The following CCNG2 variants were observed in gnomAD, a reference collection of about 807,000 sequenced individuals.
CCNG2 encodes the protein cyclin-G2.
In CCNG2, 20 loss-of-function variants were observed where a neutral mutation model predicts 36.5. That is an observed-to-expected ratio of 0.55 (90% CI 0.39 to 0.80). The LOEUF (loss-of-function observed/expected upper bound fraction) is 0.80, where lower values mean the gene tolerates loss of function less well. Among genes scored for constraint, CCNG2 ranks in the 30% least tolerant of loss-of-function variants. The pLI, the probability that CCNG2 is intolerant of heterozygous loss-of-function variation, is 0.00. For missense variants in CCNG2, 358 were observed against 390.8 expected (o/e 0.92, Z 0.71); for synonymous variants, 155 against 140.1 (o/e 1.11, Z -0.75).
At position 77,166,519 on chromosome 4, in the gene CCNG2, T is replaced by C. The variant is rs951418471; in HGVS notation, c.*595T>C. The stretch of plus-strand genomic sequence containing the variant: ...ATTTCTGTGATTTTTATATATGTAA[T>C]GTCTTAATTGAGATTTCTGTTAAGG... On this transcript the variant is annotated 3_prime_UTR_variant, in exon 8 of 8. Coordinates refer to ENST00000316355, the MANE Select transcript of CCNG2 (RefSeq NM_004354.3). 2 of 152,256 alleles carry C rather than the reference T, an allele frequency of 1.3e-5. No homozygotes were observed. Among genetic ancestry groups the C allele is most frequent in the African/African-American group, 4.8e-5 (2 of 41,472 alleles). 9.4% of individuals were successfully genotyped at this position (152,256 alleles called of 1,614,324 possible).
intron 6 of CCNG2, 31 bp downstream of exon 6, chr4:77,161,778 T>G: frequency 7.1e-7 from 1 of 1,403,648 alleles, no homozygotes; most frequent in Non-Finnish European, 9.9e-7. Context: ...TTAAGGCAAA[T>G]TTTTTTCCTG....
intron 4 of CCNG2, 133 bp from the exon 5 acceptor site, chr4:77,161,347 C>T (rs1560422621): frequency 7.7e-6 from 5 of 652,168 alleles, no homozygotes; most frequent in Middle Eastern, 4.3e-4. Context: ...GGTGATCCAC[C>T]TGCTTCTGCC....
In CCNG2 at chr4:77,159,423, T is replaced by G; in HGVS notation, c.195T>G (p.Ser65Arg). The change falls in exon 3 of 8, where the codon AGT becomes AGG. Residue 65 changes from serine to arginine, a missense_variant. Coordinates refer to ENST00000316355, the MANE Select transcript of CCNG2 (RefSeq NM_004354.3). ...LRNAKVEDLR[S>R]LANFFGSCTE... ...ATGCCAAAGTTGAAGATTTAAGGAG[T>G]TTAGCCAACTTTTTTGGATCTTGCA... 1 of 1,613,896 alleles carries G rather than the reference T, an allele frequency of 6.2e-7. No homozygotes were observed. The highest frequency in any genetic ancestry group is 8.5e-7 in the Non-Finnish European group (1 of 1,179,904).
chr4:77,161,088 T>C, intron 4 of CCNG2, 117 bp downstream of exon 4: 1 of 739,236 alleles, frequency 1.4e-6, no homozygotes, highest in Non-Finnish European at 2.1e-6. Flanking sequence ...ACTTTGACTT[T>C]ATTGGTAAAT....
At chr4:77,163,241 A>G (rs545924272) in intron 6 of CCNG2, among the ~76,000 whole-genome samples, 109 of 152,254 alleles carry the variant, frequency 7.2e-4, no homozygotes, top group Admixed American at 1.7e-3. Flanking sequence ...TTTCCCCCCA[A>G]CATTAGGAGC....
chr4:77,162,735 A>G (rs924415612), intron 6 of CCNG2, among the ~76,000 whole-genome samples: 6 of 152,076 alleles, frequency 3.9e-5, no homozygotes, highest in African/African-American at 9.7e-5. Flanking sequence ...GAGAAACACT[A>G]TGACTGGGAG....
In CCNG2 at chr4:77,169,438, G is replaced by A. The variant is rs1731712867; in HGVS notation, c.*3514G>A. The stretch of plus-strand genomic sequence containing the variant: ...AAATTGTGTGATAGATAGTTTCCCA[G>A]TATGATGGCCAGTCAGTCTTTCCAT... On this transcript the variant is annotated 3_prime_UTR_variant, in exon 8 of 8. Transcript: ENST00000316355. 6.6e-6 allele frequency: 1 copy of A among 152,216 alleles called. No homozygotes were observed. The highest frequency in any genetic ancestry group is 2.4e-5 in the African/African-American group (1 of 41,450). The allele number at this position is 152,216 out of a possible 1,614,324, so 9.4% of individuals were successfully genotyped here. A position where few individuals can be genotyped will look rare whatever the true frequency, so the allele number is the denominator to read the frequency against.
At chr4:77,158,341 C>G (rs908047908) in intron 1 of CCNG2, 192 bp from the exon 2 acceptor site, 1 of 579,868 alleles carries the variant, frequency 1.7e-6, no homozygotes, top group East Asian at 3.0e-5. Flanking sequence ...CGGCTCCTCC[C>G]CCTGCCACAC....
chr4:77,164,470 A>G lies in CCNG2; in HGVS notation c.902A>G (p.Glu301Gly). 4 of 1,613,454 alleles carry G rather than the reference A, an allele frequency of 2.5e-6. No individual in the cohort carries two copies. Among genetic ancestry groups the G allele is most frequent in the Non-Finnish European group, 3.4e-6 (4 of 1,179,416 alleles). Residue 301 changes from glutamate (E) to glycine (G), a missense_variant, in exon 7 of 8, where the codon GAA (glutamate) becomes GGA (glycine). Physicochemically the swap from Glu to Gly is moderately conservative, Grantham distance 98 (BLOSUM62 -2). Transcript: ENST00000316355. ...PTIPEGGCFD[E>G]SESEDSCEDM... is the part of the protein sequence containing the mutation. ...ATACCTGAGGGGGGTTGTTTTGATG[A>G]AAGTGAAAGGTAGGCAGGTTCCTTG...
chr4:77,160,692 T>C (rs967015053), intron 3 of CCNG2, 29 bp from the exon 4 acceptor site: 8 of 1,602,252 alleles, frequency 5.0e-6, no homozygotes, highest in African/African-American at 1.3e-5. Flanking sequence ...GTGACAGTTG[T>C]TAAAAGAAGC....
Position 77,164,236 on chromosome 4 carries a change from A to G in CCNG2, c.706-38A>G, listed in dbSNP as rs4150085. 1.2e-3 allele frequency: 1,799 copies of G among 1,488,734 alleles called. 18 individuals carry two copies. In the African/African-American group the frequency reaches 0.023, roughly 19 times the overall value. The allele number at this position is 1,488,734 out of a possible 1,614,324, so 92.2% of individuals were successfully genotyped here. A position where few individuals can be genotyped will look rare whatever the true frequency, so the allele number is the denominator to read the frequency against. ...ATTCCAAGGTGCAGCAAGATTTGGG[A>G]GACATTGCCGTAACCTCTTAAAATA... On this transcript the variant is annotated intron_variant, in intron 6 of 7. Coordinates refer to ENST00000316355, the MANE Select transcript of CCNG2 (RefSeq NM_004354.3).
chr4:77,165,961 T>G lies in CCNG2; in HGVS notation c.*37T>G, dbSNP rs78484094. 249 of 1,566,810 alleles carry G rather than the reference T, an allele frequency of 1.6e-4. 1 individual carries two copies. The African/African-American group carries it at 3.2e-3, about 20-fold the overall frequency. ...TTCTGTCAGAATTTATATTTACAGG[T>G]TTCAAAGCAATAAATGGGGGAATAG... On this transcript the variant is annotated 3_prime_UTR_variant, in exon 8 of 8. Transcript: ENST00000316355.
chr4:77,157,956 G>T (rs920313880), intron 1 of CCNG2, among the ~76,000 whole-genome samples: 1 of 151,990 alleles, frequency 6.6e-6, no homozygotes, highest in Non-Finnish European at 1.5e-5. Context: ...TGGGACGGGG[G>T]TATCCGCCTC....
intron 1 of CCNG2, among the ~76,000 whole-genome samples, 162 bp downstream of exon 1, chr4:77,157,668 C>T (rs1302140730): frequency 6.6e-6 from 1 of 152,022 alleles, no homozygotes; most frequent in Non-Finnish European, 1.5e-5. Flanking sequence ...GGGGAGCTGG[C>T]GCCCGCGATG....
intron 7 of CCNG2, 40 bp from the exon 8 acceptor site, chr4:77,165,761 A>C (rs779026050): frequency 6.7e-7 from 1 of 1,499,810 alleles, no homozygotes; most frequent in Non-Finnish European, 8.9e-7. Flanking sequence ...GTGTGTTTTA[A>C]GTAATGGTAT....
At chr4:77,164,557 G>GT (rs1414714263) in intron 7 of CCNG2, 78 bp downstream of exon 7, 24 of 1,071,544 alleles carry the variant, frequency 2.2e-5, no homozygotes, top group African/African-American at 1.1e-4. Context: ...CTGGAATAGT[G>GT]TAAGACATCA....
At position 77,158,544 on chromosome 4, in the gene CCNG2, G is replaced by C; in HGVS notation, c.12G>C (p.Leu4Phe). The stretch of plus-strand genomic sequence containing the variant: ...TGTCTTTACTGCAGATGAAGGATTT[G>C]GGGGCAGAGCACTTGGCAGGTCATG... MKD[L>F]GAEHLAGHEG... The change falls in exon 2 of 8, where the codon TTG (leucine) becomes TTC (phenylalanine). Residue 4 changes from leucine to phenylalanine, a missense_variant. By Grantham distance (22) the Leu-to-Phe change is conservative (BLOSUM62 0). Transcript: ENST00000316355. 6.2e-7 allele frequency: 1 copy of C among 1,614,116 alleles called. No homozygotes were observed. The highest frequency in any genetic ancestry group is 8.5e-7 in the Non-Finnish European group (1 of 1,179,984).
chr4:77,161,400 C>A, intron 4 of CCNG2, 80 bp from the exon 5 acceptor site: 3 of 1,132,302 alleles, frequency 2.6e-6, no homozygotes, highest in Non-Finnish European at 3.8e-6. Flanking sequence ...CCGCGTCTGG[C>A]CCTGGCAAAT....
intron 6 of CCNG2, among the ~76,000 whole-genome samples, chr4:77,162,538 A>G (rs1302176931): frequency 6.6e-6 from 1 of 152,032 alleles, no homozygotes; most frequent in East Asian, 1.9e-4. Flanking sequence ...GCTCACCACC[A>G]TGCCAGGCTA....
Sources: allele counts gnomAD v4.1 joint callset (sites outside exome capture counted in the v4.1 genomes callset), GRCh38; gene constraint gnomAD v4.1.1; transcripts MANE v1.5; gene names NCBI Gene and HGNC (gene_info 2026-07-23, HGNC 2026-07-21).